SDK1: variants seen among roughly 807,000 people sequenced by gnomAD.
The protein encoded by SDK1 is sidekick cell adhesion molecule 1.
In SDK1, 157 loss-of-function variants were observed where a neutral mutation model predicts 245.5. The ratio of observed to expected loss-of-function variants is 0.64; its 90% CI spans 0.56 to 0.73. The LOEUF (loss-of-function observed/expected upper bound fraction) is 0.73. SDK1 is among the 30% of genes least tolerant of loss of function. The pLI is 0.00. For missense variants in SDK1, 3,583 were observed against 3,002.3 expected (o/e 1.19, Z -4.52); for synonymous variants, 1,647 against 1,278.5 (o/e 1.29, Z -6.15).
Position 4,074,859 on chromosome 7 carries a change from TC to T in SDK1, c.3011-2138del, listed in dbSNP as rs1780528498. Among the ~76,000 whole-genome samples, 6 of 83,424 alleles carry T rather than the reference TC, an allele frequency of 7.2e-5. 2 individuals are homozygous for T. Among genetic ancestry groups the T allele is most frequent in the Admixed American group, 4.3e-4 (4 of 9,288 alleles). 54.7% of individuals were successfully genotyped at this position (83,424 alleles called of 152,430 possible). ...GCCTGGGCAACAGAGCAAGACTTTCTCTCTCTCTCTCTCTCTCTCTCTCTCT... is the reference window on the plus strand; with the variant it reads ...GCCTGGGCAACAGAGCAAGACTTTCTTCTCTCTCTCTCTCTCTCTCTCTCT... On this transcript the variant is annotated intron_variant, in intron 20 of 44. Coordinates refer to ENST00000404826, the MANE Select transcript of SDK1 (RefSeq NM_152744.4).
chr7:4,205,812 G>A (rs112952638), intron 35 of SDK1, 67 bp from the exon 36 acceptor site: 34,564 of 1,270,214 alleles, frequency 0.027, 634 homozygotes, highest in South Asian at 0.061. Context: ...CCATGGGCAT[G>A]TGGGCGAGGG....
chr7:3,680,333 A>G (rs1477934277), intron 4 of SDK1, among the ~76,000 whole-genome samples: 1 of 152,158 alleles, frequency 6.6e-6, no homozygotes, highest in Non-Finnish European at 1.5e-5. Flanking sequence ...AGACGGCTGG[A>G]TGTGAATTTA....
At chr7:3,982,306 C>T (rs1242408225) in intron 13 of SDK1, among the ~76,000 whole-genome samples, 1 of 152,170 alleles carries the variant, frequency 6.6e-6, no homozygotes, top group African/African-American at 2.4e-5. Flanking sequence ...GGACAGTGCA[C>T]CTTGTCATGC....
At chr7:3,722,423 A>T (rs1778843941) in intron 4 of SDK1, among the ~76,000 whole-genome samples, 2 of 152,078 alleles carry the variant, frequency 1.3e-5, no homozygotes, top group Non-Finnish European at 2.9e-5. Flanking sequence ...AGAGAAGTAC[A>T]TTTGGAGCCT....
chr7:3,983,675 C>G (rs904692164), intron 13 of SDK1, among the ~76,000 whole-genome samples: 3 of 152,320 alleles, frequency 2.0e-5, no homozygotes, highest in Admixed American at 1.3e-4. Flanking sequence ...AGACATGCCT[C>G]TCTATCACAA....
chr7:3,455,775 A>G (rs1273948104), intron 1 of SDK1, among the ~76,000 whole-genome samples: 1 of 152,180 alleles, frequency 6.6e-6, no homozygotes, highest in East Asian at 1.9e-4. Flanking sequence ...TTGCCTTTTC[A>G]TATAAATTTT....
At chr7:3,527,285 A>G (rs13227865) in intron 1 of SDK1, among the ~76,000 whole-genome samples, 1 of 152,190 alleles carries the variant, frequency 6.6e-6, no homozygotes, top group Non-Finnish European at 1.5e-5. Flanking sequence ...TGGGAGAGAG[A>G]CAGCAAGTAA....
chr7:3,381,984 G>A (rs1006453268), intron 1 of SDK1, among the ~76,000 whole-genome samples: 8 of 152,094 alleles, frequency 5.3e-5, no homozygotes, highest in African/African-American at 1.7e-4. Flanking sequence ...TTAACCGTTC[G>A]TCTTAAAGTA....
chr7:4,191,900 C>A (rs1443808471), intron 35 of SDK1, among the ~76,000 whole-genome samples: 1 of 152,254 alleles, frequency 6.6e-6, no homozygotes, highest in Non-Finnish European at 1.5e-5. Context: ...ACATCCAACC[C>A]ACTGTTGAGA....
intron 5 of SDK1, among the ~76,000 whole-genome samples, chr7:3,872,604 G>C (rs1583498142): frequency 7.0e-6 from 1 of 141,930 alleles, no homozygotes; most frequent in East Asian, 2.0e-4. Context: ...TTACATATGT[G>C]ATATCAGCAG....
At chr7:3,447,964 A>G (rs1046649673) in intron 1 of SDK1, among the ~76,000 whole-genome samples, 5 of 152,062 alleles carry the variant, frequency 3.3e-5, no homozygotes, top group Non-Finnish European at 7.4e-5. Context: ...TCAGCCTCCC[A>G]CAGTGCTGGG....
chr7:3,858,293 T>A (rs1210828058), intron 5 of SDK1, among the ~76,000 whole-genome samples: 1 of 152,130 alleles, frequency 6.6e-6, no homozygotes, highest in African/African-American at 2.4e-5. Flanking sequence ...GGCACATGCC[T>A]GTAATCCCAG....
chr7:4,203,424 T>G (rs953654692), intron 35 of SDK1, among the ~76,000 whole-genome samples: 14 of 152,194 alleles, frequency 9.2e-5, no homozygotes, highest in Non-Finnish European at 1.5e-4. Context: ...AAACCCCAGC[T>G]TTGCACCTTT....
chr7:4,258,148 T>C (rs1479370307), intron 44 of SDK1, among the ~76,000 whole-genome samples: 2 of 152,148 alleles, frequency 1.3e-5, no homozygotes, highest in African/African-American at 4.8e-5. Context: ...TAGCAACATA[T>C]ATACAAGCCG....
chr7:3,745,795 A>G (rs1779598078), intron 4 of SDK1, among the ~76,000 whole-genome samples: 1 of 152,252 alleles, frequency 6.6e-6, no homozygotes, highest in Admixed American at 6.5e-5. Flanking sequence ...GAAAAGTGAG[A>G]ATGAAACATA....
At chr7:3,324,176 C>T (rs1170094483) in intron 1 of SDK1, among the ~76,000 whole-genome samples, 1 of 152,026 alleles carries the variant, frequency 6.6e-6, no homozygotes, top group Non-Finnish European at 1.5e-5. Flanking sequence ...GGTCATTTTT[C>T]TGGTTCTCTT....
At position 3,301,792 on chromosome 7, in the gene SDK1, G is replaced by T. The variant is rs1779269740; in HGVS notation, c.206G>T (p.Gly69Val). ...GACACGGCGGGCGCGGGGCGGTGCG[G>T]CGGGCGGCGGGCGGCAAAGTTGGGG... Reference protein sequence around the residue: ...GGDTAGAGRCGGRRAAKLGPG... With the variant: ...GGDTAGAGRCVGRRAAKLGPG... The change falls in exon 1 of 45, where the codon GGC becomes GTC. Residue 69 changes from glycine to valine, a missense_variant. Transcript: ENST00000404826. The T allele has an allele frequency of 2.0e-6, 2 of 1,020,758 alleles. No individual in the cohort carries two copies. The highest frequency in any genetic ancestry group is 3.5e-5 in the African/African-American group (2 of 57,566). 63.2% of individuals were successfully genotyped at this position (1,020,758 alleles called of 1,614,324 possible).
chr7:4,058,009 G>GTA (rs1405304766), intron 19 of SDK1, among the ~76,000 whole-genome samples: 1 of 151,874 alleles, frequency 6.6e-6, no homozygotes, highest in Non-Finnish European at 1.5e-5. Context: ...ATGCAAGGAA[G>GTA]TATAACACTT....
At chr7:3,932,209 C>A (rs904722869) in intron 5 of SDK1, among the ~76,000 whole-genome samples, 21 of 152,224 alleles carry the variant, frequency 1.4e-4, no homozygotes, top group African/African-American at 1.9e-4. Context: ...TAGCTCCCCC[C>A]TCACTAATGC....
Sources: allele counts gnomAD v4.1 joint callset (sites outside exome capture counted in the v4.1 genomes callset), GRCh38; gene constraint gnomAD v4.1.1; transcripts MANE v1.5; gene names NCBI Gene and HGNC (gene_info 2026-07-23, HGNC 2026-07-21).